Variants in AFAP1 observed in about 807,000 individuals in gnomAD.
AFAP1 encodes the protein actin filament-associated protein 1.
A neutral mutation model predicts 93.9 loss-of-function variants in AFAP1; 75 were observed. The observed-to-expected ratio is 0.80, with a 90% CI of 0.66 to 0.97. The LOEUF is 0.97. Among genes scored for constraint, AFAP1 ranks in the 50% least tolerant of loss-of-function variants. The probability of loss-of-function intolerance (pLI) is 0.00; values close to 1 mark genes in which losing one functional copy is unlikely to be tolerated. For missense variants in AFAP1, 1,201 were observed against 1,050.8 expected, an observed-to-expected ratio of 1.14 and a Z score of -1.98; for synonymous variants, 517 against 430.7, an observed-to-expected ratio of 1.20 and a Z score of -2.48.
At chr4:7,885,715 T>A (rs6820041) in intron 1 of AFAP1, among the ~76,000 whole-genome samples, 18,237 of 152,200 alleles carry the variant, frequency 0.12, 1,854 homozygotes, top group East Asian at 0.49. Context: ...AAAGAGAAAA[T>A]TGCAGAGAAA....
intron 16 of AFAP1, among the ~76,000 whole-genome samples, chr4:7,771,094 C>G (rs555076791): frequency 1.3e-5 from 2 of 152,378 alleles, no homozygotes; most frequent in East Asian, 1.9e-4. Flanking sequence ...CTCCACAGAT[C>G]TGTCCGCATC....
At chr4:7,904,774 A>G (rs913085344) in intron 1 of AFAP1, among the ~76,000 whole-genome samples, 2 of 152,056 alleles carry the variant, frequency 1.3e-5, no homozygotes, top group Admixed American at 6.6e-5. Flanking sequence ...TGGCGCGATG[A>G]TGGTTCACTG....
rs144928697 is a variant in AFAP1, at chr4:7,923,623, C to T, written c.-3+16033G>A. Among the ~76,000 whole-genome samples, 897 of 152,314 alleles carry T rather than the reference C, an allele frequency of 5.9e-3. 6 individuals carry two copies. The highest frequency in any genetic ancestry group is 0.019 in the African/African-American group (791 of 41,564). On this transcript the variant is annotated intron_variant, in intron 1 of 17. Coordinates refer to ENST00000420658, the MANE Select transcript of AFAP1 (RefSeq NM_001134647.2). ...CCTCCCAAGTAGCTGGGATTACAGG[C>T]ACATGCCACCACGCCCAACTAATTT...
chr4:7,771,374 A>G (rs945737781), intron 16 of AFAP1, among the ~76,000 whole-genome samples: 2 of 152,190 alleles, frequency 1.3e-5, no homozygotes, highest in Admixed American at 6.5e-5. Context: ...ACCTTTACAT[A>G]TTAAATAGTA....
intron 6 of AFAP1, among the ~76,000 whole-genome samples, chr4:7,820,670 G>T (rs961418260): frequency 1.3e-5 from 2 of 152,120 alleles, no homozygotes; most frequent in African/African-American, 4.8e-5. Context: ...GGGGGAGGAG[G>T]AGATGAGCAA....
chr4:7,838,638 C>T lies in AFAP1; in HGVS notation c.612G>A (p.Thr204=), dbSNP rs533643650. 2.0e-5 allele frequency: 32 copies of T among 1,614,108 alleles called. No homozygotes were observed. Among genetic ancestry groups the T allele is most frequent in the African/African-American group, 9.3e-5 (7 of 75,002 alleles). The change falls in exon 6 of 18, where the codon ACG becomes ACA. Residue 204 remains threonine, a synonymous_variant. Transcript: ENST00000420658. ...MELPLQGCNI[T]YIPKDSKKKK... ...TCTTTTTGCTGTCTTTCGGGATGTA[C>T]GTAATGTTACAGCCTTGGAGTGGCA... is the stretch of plus-strand genomic sequence containing the variant.
chr4:7,919,074 CCAAGAAA>C (rs1266997811), intron 1 of AFAP1, among the ~76,000 whole-genome samples: 21 of 152,028 alleles, frequency 1.4e-4, no homozygotes, highest in African/African-American at 4.3e-4. Context: ...GCCCAGGTCA[CCAAGAAA>C]CAGGGCTGCC....
chr4:7,765,986 C>A (rs1273717209), intron 17 of AFAP1, among the ~76,000 whole-genome samples: 1 of 152,206 alleles, frequency 6.6e-6, no homozygotes, highest in Admixed American at 6.5e-5. Flanking sequence ...CCCACTATTT[C>A]CAGGGGCTCA....
At chr4:7,850,291 A>G (rs1382100345) in intron 4 of AFAP1, among the ~76,000 whole-genome samples, 1 of 152,208 alleles carries the variant, frequency 6.6e-6, no homozygotes, top group African/African-American at 2.4e-5. Flanking sequence ...ACCTGTGCAC[A>G]TGACCATCCA....
chr4:7,891,571 A>G (rs1034656685), intron 1 of AFAP1, among the ~76,000 whole-genome samples: 1 of 152,122 alleles, frequency 6.6e-6, no homozygotes, highest in Non-Finnish European at 1.5e-5. Flanking sequence ...TCTGTTTTTC[A>G]TAAGGAAGAC....
intron 4 of AFAP1, among the ~76,000 whole-genome samples, chr4:7,852,642 G>C (rs757755346): frequency 6.6e-6 from 1 of 152,036 alleles, no homozygotes; most frequent in South Asian, 2.1e-4. Context: ...AAAAAACCAC[G>C]ACCAACCAAG....
At position 7,769,021 on chromosome 4, in the gene AFAP1, A is replaced by G. The variant is rs749533387; in HGVS notation, c.2254-13T>C. On this transcript the variant is annotated splice_polypyrimidine_tract_variant and intron_variant, in intron 16 of 17. Coordinates refer to ENST00000420658, the MANE Select transcript of AFAP1 (RefSeq NM_001134647.2). Reference sequence around the variant, plus strand: ...GGAACACTGGAGACTTAACGGAGAGAGAGAACCCCATGTGATGAGCGGTTT... The same window carrying G: ...GGAACACTGGAGACTTAACGGAGAGGGAGAACCCCATGTGATGAGCGGTTT... 1.3e-6 allele frequency: 2 copies of G among 1,591,834 alleles called. No individual in the cohort carries two copies. The highest frequency in any genetic ancestry group is 1.1e-5 in the South Asian group (1 of 89,514).
At chr4:7,781,735 ACCC>A in intron 12 of AFAP1, 108 bp from the exon 13 acceptor site, 2 of 1,389,734 alleles carry the variant, frequency 1.4e-6, no homozygotes, top group Non-Finnish European at 1.9e-6. Context: ...ATACATTGGC[ACCC>A]CAACACTCTC....
intron 4 of AFAP1, among the ~76,000 whole-genome samples, chr4:7,845,022 T>C (rs999615031): frequency 6.6e-6 from 1 of 152,238 alleles, no homozygotes; most frequent in African/African-American, 2.4e-5. Flanking sequence ...GGAGTTTAAG[T>C]TGTACTCAGT....
At chr4:7,913,021 T>A (rs1013615146) in intron 1 of AFAP1, among the ~76,000 whole-genome samples, 1 of 152,120 alleles carries the variant, frequency 6.6e-6, no homozygotes. Flanking sequence ...TTAATTTTTT[T>A]AGTTTTTGTA....
At chr4:7,922,164 T>G (rs977687143) in intron 1 of AFAP1, among the ~76,000 whole-genome samples, 1 of 152,058 alleles carries the variant, frequency 6.6e-6, no homozygotes, top group Non-Finnish European at 1.5e-5. Flanking sequence ...ATGATGGGAG[T>G]AGGACTTCCT....
intron 9 of AFAP1, among the ~76,000 whole-genome samples, chr4:7,801,494 A>G (rs939054382): frequency 6.6e-6 from 1 of 152,162 alleles, no homozygotes. Flanking sequence ...CAAACATAAA[A>G]TGAATTCTTC....
intron 1 of AFAP1, among the ~76,000 whole-genome samples, chr4:7,881,621 A>G (rs549073165): frequency 6.6e-6 from 1 of 152,190 alleles, no homozygotes; most frequent in Non-Finnish European, 1.5e-5. Context: ...CATCTCTACT[A>G]AAAATACAAA....
chr4:7,927,300 G>A (rs1453729260), intron 1 of AFAP1, among the ~76,000 whole-genome samples: 4 of 152,280 alleles, frequency 2.6e-5, no homozygotes, highest in South Asian at 2.1e-4. Flanking sequence ...TAAGAGCTCC[G>A]AAGCCAGCTG....
Sources: allele counts gnomAD v4.1 joint callset (sites outside exome capture counted in the v4.1 genomes callset), GRCh38; gene constraint gnomAD v4.1.1; transcripts MANE v1.5; gene names NCBI Gene and HGNC (gene_info 2026-07-23, HGNC 2026-07-21).